ROR1: variants seen among roughly 807,000 people sequenced by gnomAD.
ROR1 encodes inactive tyrosine-protein kinase transmembrane receptor ROR1.
A neutral mutation model predicts 78.8 loss-of-function variants in ROR1; 19 were observed. That is an observed-to-expected ratio of 0.24 (90% confidence interval 0.17 to 0.35). The LOEUF (loss-of-function observed/expected upper bound fraction) is 0.35, where lower values mean the gene tolerates loss of function less well. ROR1 is among the 10% of genes least tolerant of loss of function. The pLI is 1.00. For synonymous variants in ROR1, 386 were observed against 433.6 expected (o/e 0.89, Z 1.36); for missense variants, 917 against 1,177.8 (o/e 0.78, Z 3.24).
intron 5 of ROR1, among the ~76,000 whole-genome samples, chr1:64,139,725 A>G (rs1452660464): frequency 6.6e-6 from 1 of 152,226 alleles, no homozygotes; most frequent in Admixed American, 6.5e-5. Flanking sequence ...GCCACTGCGG[A>G]AACAAGTTCT....
chr1:63,999,474 C>T (rs977534155), intron 1 of ROR1, among the ~76,000 whole-genome samples: 1 of 152,190 alleles, frequency 6.6e-6, no homozygotes, highest in African/African-American at 2.4e-5. Context: ...AGGACAAGAT[C>T]CTCCAGAACT....
chr1:63,859,741 A>T (rs1645168625), intron 1 of ROR1, among the ~76,000 whole-genome samples: 1 of 152,186 alleles, frequency 6.6e-6, no homozygotes, highest in Non-Finnish European at 1.5e-5. Flanking sequence ...TGGTCAATGC[A>T]TGGCACTAGA....
intron 1 of ROR1, among the ~76,000 whole-genome samples, chr1:63,995,043 G>A (rs1030983112): frequency 5.9e-5 from 9 of 152,174 alleles, no homozygotes; most frequent in Non-Finnish European, 1.0e-4. Flanking sequence ...TGCAGGCAGC[G>A]ACAAACAGCT....
chr1:64,043,744 C>T (rs558411342), intron 2 of ROR1, among the ~76,000 whole-genome samples: 6 of 152,220 alleles, frequency 3.9e-5, no homozygotes, highest in East Asian at 1.9e-4. Flanking sequence ...TGTTCAAAGG[C>T]GTGGGTTTGG....
At chr1:64,077,546 C>CTT (rs1442903050) in intron 4 of ROR1, among the ~76,000 whole-genome samples, 1 of 152,244 alleles carries the variant, frequency 6.6e-6, no homozygotes, top group African/African-American at 2.4e-5. Flanking sequence ...ATCAATGCCG[C>CTT]TTTTGTTCCA....
At chr1:63,912,532 G>A (rs1645579416) in intron 1 of ROR1, among the ~76,000 whole-genome samples, 2 of 152,152 alleles carry the variant, frequency 1.3e-5, no homozygotes, top group African/African-American at 4.8e-5. Flanking sequence ...AGGAGGGGTA[G>A]GAAGGATAGA....
chr1:63,797,615 C>G (rs1644769318), intron 1 of ROR1, among the ~76,000 whole-genome samples: 1 of 152,152 alleles, frequency 6.6e-6, no homozygotes, highest in Admixed American at 6.5e-5. Flanking sequence ...TGAAATTCAG[C>G]TCTATTTGAA....
chr1:63,780,517 A>C (rs1644644596), intron 1 of ROR1, among the ~76,000 whole-genome samples: 1 of 152,188 alleles, frequency 6.6e-6, no homozygotes, highest in Non-Finnish European at 1.5e-5. Context: ...AGTGAACGTG[A>C]AGTATGTTAG....
chr1:64,095,529 C>T (rs2100649509), intron 4 of ROR1, among the ~76,000 whole-genome samples: 1 of 152,192 alleles, frequency 6.6e-6, no homozygotes, highest in South Asian at 2.1e-4. Context: ...AAGGGAATGA[C>T]CAGGAAAGTC....
chr1:63,920,561 C>T (rs1461241186), intron 1 of ROR1, among the ~76,000 whole-genome samples: 1 of 152,128 alleles, frequency 6.6e-6, no homozygotes, highest in Non-Finnish European at 1.5e-5. Flanking sequence ...TTCATTACTC[C>T]AGAGTCTCTT....
At chr1:63,894,920 T>C (rs1465201639) in intron 1 of ROR1, among the ~76,000 whole-genome samples, 1 of 152,148 alleles carries the variant, frequency 6.6e-6, no homozygotes, top group Non-Finnish European at 1.5e-5. Flanking sequence ...GACCTTCAAA[T>C]CTTTGACAGA....
intron 2 of ROR1, among the ~76,000 whole-genome samples, chr1:64,032,502 T>C (rs1240245773): frequency 6.6e-6 from 1 of 152,154 alleles, no homozygotes; most frequent in Non-Finnish European, 1.5e-5. Context: ...ATGTAGCCCA[T>C]TGTGCCTGAA....
chr1:64,033,933 A>C (rs1281727163), intron 2 of ROR1, among the ~76,000 whole-genome samples: 1 of 152,170 alleles, frequency 6.6e-6, no homozygotes, highest in Admixed American at 6.5e-5. Flanking sequence ...CAGGACTCAA[A>C]CCCAGGTCCA....
intron 1 of ROR1, among the ~76,000 whole-genome samples, chr1:63,829,578 A>T (rs1644974113): frequency 6.6e-6 from 1 of 152,176 alleles, no homozygotes; most frequent in Admixed American, 6.5e-5. Context: ...AGAGTATTGC[A>T]GGTAGGAGGA....
chr1:63,832,231 C>T (rs1644992883), intron 1 of ROR1, among the ~76,000 whole-genome samples: 1 of 152,160 alleles, frequency 6.6e-6, no homozygotes, highest in Non-Finnish European at 1.5e-5. Context: ...TTTTTTTATT[C>T]TCTGCCCGTT....
At chr1:63,826,268 C>T (rs920634776) in intron 1 of ROR1, among the ~76,000 whole-genome samples, 5 of 152,016 alleles carry the variant, frequency 3.3e-5, no homozygotes, top group African/African-American at 9.7e-5. Flanking sequence ...CCTATATGCC[C>T]TAGTGTGTTG....
intron 1 of ROR1, among the ~76,000 whole-genome samples, chr1:63,859,989 A>C (rs1645170068): frequency 6.6e-6 from 1 of 152,188 alleles, no homozygotes; most frequent in South Asian, 2.1e-4. Context: ...AGCCTGAGGC[A>C]CAGAAGGGTG....
chr1:63,981,703 C>T (rs1009666730), intron 1 of ROR1, among the ~76,000 whole-genome samples: 1 of 152,046 alleles, frequency 6.6e-6, no homozygotes. Context: ...GTTGGGAAGG[C>T]AGGAGAAGAA....
intron 4 of ROR1, among the ~76,000 whole-genome samples, chr1:64,101,661 G>A (rs1006628274): frequency 7.6e-6 from 1 of 131,938 alleles, no homozygotes; most frequent in African/African-American, 2.5e-5. Context: ...GGATGCTTAA[G>A]AAGAGACAGA....
Sources: allele counts gnomAD v4.1 joint callset (sites outside exome capture counted in the v4.1 genomes callset), GRCh38; gene constraint gnomAD v4.1.1; transcripts MANE v1.5; gene names NCBI Gene and HGNC (gene_info 2026-07-23, HGNC 2026-07-21).